The following TDRD6 variants were observed in gnomAD, a reference collection of about 807,000 sequenced individuals.
The protein encoded by TDRD6 is tudor domain-containing protein 6.
In TDRD6, 186 loss-of-function variants were observed where a neutral mutation model predicts 157.5. The observed-to-expected ratio is 1.18, with a 90% CI of 1.05 to 1.33. The LOEUF is 1.33. Among genes scored for constraint, TDRD6 ranks in the 40% most tolerant of loss-of-function variants. The pLI, the probability that TDRD6 is intolerant of heterozygous loss-of-function variation, is 0.00. For missense variants in TDRD6, 3,066 were observed against 2,508.0 expected (o/e 1.22, Z -4.75); for synonymous variants, 1,075 against 945.2 (o/e 1.14, Z -2.52).
intron 3 of TDRD6, 31 bp downstream of exon 3, chr6:46,698,118 G>A (rs1764541941): frequency 6.9e-7 from 1 of 1,448,212 alleles, no homozygotes; most frequent in Non-Finnish European, 9.6e-7. Flanking sequence ...TAATTAGTGA[G>A]AGCATTGTTC....
chr6:46,691,364 T>A lies in TDRD6; in HGVS notation c.3236T>A (p.Leu1079His). The change falls in exon 1 of 4, where the codon CTT becomes CAT. Residue 1079 changes from leucine (L) to histidine (H), a missense_variant. Coordinates refer to ENST00000316081, the MANE Select transcript of TDRD6 (RefSeq NM_001010870.3). ...NIYVVTSDDL[L>H]PIPSDAYDVL... ...TATGTAGTAACAAGTGATGATCTGC[T>A]TCCAATACCTAGTGATGCATATGAT... 1 of 1,614,086 alleles carries A rather than the reference T, an allele frequency of 6.2e-7. No homozygotes were observed. The highest frequency in any genetic ancestry group is 8.5e-7 in the Non-Finnish European group (1 of 1,179,950).
In TDRD6 at chr6:46,690,598, T is replaced by A; in HGVS notation, c.2470T>A (p.Leu824Met). The change falls in exon 1 of 4, where the codon TTG becomes ATG. Residue 824 changes from leucine to methionine, a missense_variant. Leu to Met is a conservative substitution (Grantham distance 15). Transcript: ENST00000316081. ...APHQRNTLAC[L>M]AKRTVNRQWS... ...TCACCAGAGAAACACCCTTGCTTGT[T>A]TGGCTAAGCGAACAGTAAACAGACA... 6.2e-7 allele frequency: 1 copy of A among 1,614,202 alleles called. No homozygotes were observed. The highest frequency in any genetic ancestry group is 8.5e-7 in the Non-Finnish European group (1 of 1,180,028).
At position 46,688,485 on chromosome 6, in the gene TDRD6, C is replaced by G; in HGVS notation, c.357C>G (p.Phe119Leu). 2 of 1,553,454 alleles carry G rather than the reference C, an allele frequency of 1.3e-6. No homozygotes were observed. The highest frequency in any genetic ancestry group is 1.4e-5 in the African/African-American group (1 of 73,724). ...AGSLAPGRREFFNLPSEVLGC... is the reference protein window; with the variant it reads ...AGSLAPGRRELFNLPSEVLGC... Reference sequence around the variant, plus strand: ...CGCTGGCGCCTGGGCGCAGAGAGTTCTTCAATTTGCCCTCGGAAGTGCTGG... The same window carrying G: ...CGCTGGCGCCTGGGCGCAGAGAGTTGTTCAATTTGCCCTCGGAAGTGCTGG... Residue 119 changes from phenylalanine (F) to leucine (L), a missense_variant, in exon 1 of 4, where the codon TTC becomes TTG. Transcript: ENST00000316081.
In TDRD6 at chr6:46,689,436, A is replaced by C; in HGVS notation, c.1308A>C (p.Gly436=). 1.2e-6 allele frequency: 2 copies of C among 1,613,396 alleles called. No individual in the cohort carries two copies. The highest frequency in any genetic ancestry group is 1.7e-6 in the Non-Finnish European group (2 of 1,180,014). ...GGATTAATCTGAACCGTGTGTTTGG[A>C]GTACAGTCGTGTTGCTTGGCTGACC... is the stretch of plus-strand genomic sequence containing the variant. The part of the protein sequence containing the change: ...EDGINLNRVF[G]VQSCCLADRV... The change falls in exon 1 of 4, where the codon GGA becomes GGC. Residue 436 remains glycine, a synonymous_variant. Coordinates refer to ENST00000316081, the MANE Select transcript of TDRD6 (RefSeq NM_001010870.3).
Position 46,701,862 on chromosome 6 carries a change from G to A in TDRD6, c.6266G>A (p.Arg2089Lys). 2 of 1,612,604 alleles carry A rather than the reference G, an allele frequency of 1.2e-6. No homozygotes were observed. The highest frequency in any genetic ancestry group is 1.7e-6 in the Non-Finnish European group (2 of 1,178,920). ...GTTTTTCTCTTTTTGTTTCAGAAAA[G>A]GGGTTTGGAGGTGATGGAGATTTAA... Reference protein sequence around the residue: ...PKLDKSPPEKRGLEVMEI With the variant: ...PKLDKSPPEKKGLEVMEI The change falls in exon 4 of 4, where the codon AGG becomes AAG. Residue 2089 changes from arginine (R) to lysine (K), a missense_variant. Transcript: ENST00000316081.
the TDRD6 span, chr6:46,681,629 C>T: frequency 4.3e-6 from 2 of 469,070 alleles, no homozygotes; most frequent in South Asian, 1.6e-5. Flanking sequence ...TGGTAACAAA[C>T]AGGAATATAT....
Position 46,702,037 on chromosome 6 carries a change from A to G in TDRD6, c.*150A>G. On this transcript the variant is annotated 3_prime_UTR_variant, in exon 4 of 4. Coordinates refer to ENST00000316081, the MANE Select transcript of TDRD6 (RefSeq NM_001010870.3). ...AAACTTCTATATAGGTGGAAAACAA[A>G]TTAGGTCTCAGGTTGATGGTGGGGT... 2 of 772,814 alleles carry G rather than the reference A, an allele frequency of 2.6e-6. No homozygotes were observed. Among genetic ancestry groups the G allele is most frequent in the Non-Finnish European group, 4.2e-6 (2 of 470,946 alleles). 47.9% of individuals were successfully genotyped at this position (772,814 alleles called of 1,614,324 possible).
Position 46,688,625 on chromosome 6 carries a change from T to TG in TDRD6, c.498dup (p.His167AlafsTer20). On this transcript the variant is annotated frameshift_variant, in exon 1 of 4. Coordinates refer to ENST00000316081, the MANE Select transcript of TDRD6 (RefSeq NM_001010870.3). LOFTEE classifies it high-confidence loss of function. ...CTTAGCAACCTTCAGGGCAAGGAGG[T>TG]GCACGGGTGCGTCCTGGACGTGCTG... 2 of 1,599,092 alleles carry TG rather than the reference T, an allele frequency of 1.3e-6. No individual in the cohort carries two copies. Among genetic ancestry groups the TG allele is most frequent in the Non-Finnish European group, 1.7e-6 (2 of 1,179,824 alleles).
At position 46,693,252 on chromosome 6, in the gene TDRD6, C is replaced by T. The variant is rs1764395023; in HGVS notation, c.5124C>T (p.Pro1708=). The change falls in exon 1 of 4, where the codon CCC becomes CCT. Residue 1708 remains proline (P), a synonymous_variant. Coordinates refer to ENST00000316081, the MANE Select transcript of TDRD6 (RefSeq NM_001010870.3). ...AGACTGGTATTAAAAGTGCTCTTCC[C>T]TATGAAAATATTGACTCAGAGATAA... is the stretch of plus-strand genomic sequence containing the variant. The part of the protein sequence containing the change: ...YSKTGIKSAL[P]YENIDSEIKQ... 6.2e-7 allele frequency: 1 copy of T among 1,613,396 alleles called. No homozygotes were observed. The highest frequency in any genetic ancestry group is 1.3e-5 in the African/African-American group (1 of 74,866).
chr6:46,696,037 A>G, intron 2 of TDRD6, 92 bp downstream of exon 2: 1 of 1,390,802 alleles, frequency 7.2e-7, no homozygotes, highest in South Asian at 1.4e-5. Context: ...AACGCGATTG[A>G]ACAAATGTTT....
rs1049310515 is a variant in TDRD6, at chr6:46,688,325, C to T, written c.197C>T (p.Ser66Leu). ...TRGQWALGSA[S>L]ASPGELCLVQ... is the part of the protein sequence containing the mutation. ...GGCCAGTGGGCGCTGGGCAGCGCCT[C>T]GGCCTCGCCCGGCGAGCTGTGCCTG... Residue 66 changes from serine (S) to leucine (L), a missense_variant, in exon 1 of 4, where the codon TCG becomes TTG. Physicochemically the swap from Ser to Leu is moderately radical, Grantham distance 145. Transcript: ENST00000316081. The T allele has an allele frequency of 4.6e-6, 7 of 1,522,784 alleles. No individual in the cohort carries two copies. The highest frequency in any genetic ancestry group is 1.7e-4 in the Middle Eastern group (1 of 5,740). The allele number at this position is 1,522,784 out of a possible 1,614,324, so 94.3% of individuals were successfully genotyped here.
At chr6:46,696,601 A>ATATCTT (rs1554181461) in intron 2 of TDRD6, among the ~76,000 whole-genome samples, 1 of 11,540 alleles carries the variant, frequency 8.7e-5, no homozygotes, top group African/African-American at 3.4e-4. Context: ...ATATATATAT[A>ATATCTT]TTTTTTTTTT....
rs767376823 is a variant in TDRD6, at chr6:46,689,329, C to G, written c.1201C>G (p.Leu401Val). The G allele has an allele frequency of 1.2e-6, 2 of 1,614,146 alleles. No homozygotes were observed. Among genetic ancestry groups the G allele is most frequent in the Admixed American group, 3.3e-5 (2 of 60,030 alleles). Reference protein sequence around the residue: ...SQVGDLKTLILGKAVNAKIEF... With the variant: ...SQVGDLKTLIVGKAVNAKIEF... ...GGTCGGTGACCTGAAGACACTGATA[C>G]TAGGCAAGGCAGTGAATGCAAAGAT... The change falls in exon 1 of 4, where the codon CTA (leucine) becomes GTA (valine). Residue 401 changes from leucine (L) to valine (V), a missense_variant. Transcript: ENST00000316081.
At chr6:46,684,243 TAA>T (rs1288678188), upstream of TDRD6, among the ~76,000 whole-genome samples, 2 of 152,220 alleles carry the variant, frequency 1.3e-5, no homozygotes, top group Non-Finnish European at 2.9e-5. Flanking sequence ...TAGATTTTCA[TAA>T]AGTTTCCAAA....
At position 46,693,866 on chromosome 6, in the gene TDRD6, A is replaced by G. The variant is rs1408698645; in HGVS notation, c.5738A>G (p.Gln1913Arg). ...CCAGAACTAGAACTACCTACAGCCC[A>G]GCTGCCTTTAGATGACAAGATGGAT... Reference protein sequence around the residue: ...KQPELELPTAQLPLDDKMDPL... With the variant: ...KQPELELPTARLPLDDKMDPL... Residue 1913 changes from glutamine (Q) to arginine (R), a missense_variant, in exon 1 of 4, where the codon CAG becomes CGG. Physicochemically the swap from Gln to Arg is conservative, Grantham distance 43 (BLOSUM62 1). Coordinates refer to ENST00000316081, the MANE Select transcript of TDRD6 (RefSeq NM_001010870.3). 5 of 1,614,120 alleles carry G rather than the reference A, an allele frequency of 3.1e-6. No homozygotes were observed. Among genetic ancestry groups the G allele is most frequent in the Non-Finnish European group, 4.2e-6 (5 of 1,180,052 alleles).
upstream of TDRD6, among the ~76,000 whole-genome samples, chr6:46,683,334 C>T (rs1170039381): frequency 6.6e-6 from 1 of 151,970 alleles, no homozygotes; most frequent in Non-Finnish European, 1.5e-5. Context: ...GACCTAAATA[C>T]AAGAGCCAAA....
rs146664883 is a variant in TDRD6 at position 46,692,920 on chromosome 6, G to A, written c.4792G>A (p.Val1598Ile). 386 of 1,614,064 alleles carry A rather than the reference G, an allele frequency of 2.4e-4. No individual in the cohort carries two copies. The highest frequency in any genetic ancestry group is 1.5e-3 in the African/African-American group (112 of 75,028). Residue 1598 changes from valine to isoleucine, a missense_variant, in exon 1 of 4, where the codon GTA becomes ATA. Physicochemically the swap from Val to Ile is conservative, Grantham distance 29. Coordinates refer to ENST00000316081, the MANE Select transcript of TDRD6 (RefSeq NM_001010870.3). ...CACTAATATTTGTGAAGATTATCTT[G>A]TATCTGTCAGGCTTGTGGACTTTGG... ...LITNICEDYL[V>I]SVRLVDFGNI...
chr6:46,694,456 C>T (rs138479712), intron 1 of TDRD6, among the ~76,000 whole-genome samples: 3 of 152,154 alleles, frequency 2.0e-5, no homozygotes, highest in Admixed American at 6.5e-5. Flanking sequence ...TCTGCCTCAG[C>T]CTCCCAAAGT....
chr6:46,692,163 C>G lies in TDRD6; in HGVS notation c.4035C>G (p.Pro1345=). The change falls in exon 1 of 4, where the codon CCC becomes CCG. Residue 1345 remains proline (P), a synonymous_variant. Coordinates refer to ENST00000316081, the MANE Select transcript of TDRD6 (RefSeq NM_001010870.3). ...SERLNSVKTR[P]EYYVGPPLQR... is the part of the protein sequence containing the mutation. ...GATTAAACAGTGTTAAAACAAGGCCCGAATATTATGTAGGTCCACCTTTGC... is the reference window on the plus strand; with the variant it reads ...GATTAAACAGTGTTAAAACAAGGCCGGAATATTATGTAGGTCCACCTTTGC... 2 of 1,613,904 alleles carry G rather than the reference C, an allele frequency of 1.2e-6. No individual in the cohort carries two copies. The highest frequency in any genetic ancestry group is 1.7e-6 in the Non-Finnish European group (2 of 1,179,948).
Sources: gnomAD v4.1 joint callset for allele counts (sites outside exome capture counted in the v4.1 genomes callset) on GRCh38, gnomAD v4.1.1 for gene constraint, MANE v1.5 for transcripts, NCBI Gene and HGNC (gene_info 2026-07-23, HGNC 2026-07-21) for gene names.